AGMO: variants seen among roughly 807,000 people sequenced by gnomAD.
AGMO encodes alkylglycerol monooxygenase.
A neutral mutation model predicts 60.2 loss-of-function variants in AGMO; 75 were observed. That is an observed-to-expected ratio of 1.25 (90% CI 1.03 to 1.51). The LOEUF is 1.51. Ranked by LOEUF, AGMO falls within the 40% of genes most tolerant of loss-of-function variation. AGMO has a pLI of 0.00. For missense variants in AGMO, 763 were observed against 525.5 expected, an observed-to-expected ratio of 1.45 and a Z score of -4.42; for synonymous variants, 261 against 177.1, an observed-to-expected ratio of 1.47 and a Z score of -3.76.
chr7:15,322,745 T>C (rs1444937494), intron 12 of AGMO, among the ~76,000 whole-genome samples: 3 of 125,780 alleles, frequency 2.4e-5, no homozygotes, highest in Admixed American at 9.5e-5. Context: ...AATATATAAA[T>C]ATATATAAAT....
At chr7:15,327,279 T>C (rs560292152) in intron 12 of AGMO, among the ~76,000 whole-genome samples, 7 of 152,246 alleles carry the variant, frequency 4.6e-5, no homozygotes, top group South Asian at 4.1e-4. Context: ...CAGCTAAAAA[T>C]AGAAAATGCT....
rs550998365 is a variant in AGMO at position 15,431,551 on chromosome 7, A to T, written c.410-443T>A. Among the ~76,000 whole-genome samples, 10 of 151,976 alleles carry T rather than the reference A, an allele frequency of 6.6e-5. No individual in the cohort carries two copies. The South Asian group carries it at 1.9e-3, about 28-fold the overall frequency. ...GGAGAAATTGGTATGGAAATTTTGG[A>T]ATAAAATATTAATGAAATTATTTCC... is the stretch of plus-strand genomic sequence containing the variant. On this transcript the variant is annotated intron_variant, in intron 3 of 12. Transcript: ENST00000342526.
the AGMO span, among the ~76,000 whole-genome samples, chr7:15,187,635 T>G: frequency 6.6e-6 from 1 of 152,116 alleles, no homozygotes; most frequent in African/African-American, 2.4e-5. Context: ...GTGGGAAGTG[T>G]GCAATTAATA....
chr7:15,294,279 T>A (rs1784353482), intron 12 of AGMO, among the ~76,000 whole-genome samples: 1 of 152,040 alleles, frequency 6.6e-6, no homozygotes, highest in South Asian at 2.1e-4. Flanking sequence ...AGCTATAACA[T>A]GCTAGAAATA....
At chr7:15,331,050 A>C (rs1348484735) in intron 12 of AGMO, among the ~76,000 whole-genome samples, 1 of 152,104 alleles carries the variant, frequency 6.6e-6, no homozygotes, top group African/African-American at 2.4e-5. Context: ...GGGAAGCTAG[A>C]AGCTATCCTT....
intron 10 of AGMO, among the ~76,000 whole-genome samples, chr7:15,384,817 C>CTTTTTTTTTTT (rs71953359): frequency 2.5e-5 from 3 of 121,284 alleles, no homozygotes; most frequent in Non-Finnish European, 5.0e-5. Flanking sequence ...CTGTTTTTCT[C>CTTTTTTTTTTT]TTTTTTTTTT....
chr7:15,238,828 AG>A, intron 12 of AGMO, among the ~76,000 whole-genome samples: 1 of 152,142 alleles, frequency 6.6e-6, no homozygotes, highest in East Asian at 1.9e-4. Context: ...TCATAAGTAT[AG>A]TCAGATTTGA....
At chr7:15,540,420 A>G (rs1784594887) in intron 3 of AGMO, among the ~76,000 whole-genome samples, 1 of 152,136 alleles carries the variant, frequency 6.6e-6, no homozygotes, top group South Asian at 2.1e-4. Flanking sequence ...TCCCTCACAT[A>G]CCAAACCTCC....
chr7:15,258,298 C>G (rs1783159904), intron 12 of AGMO, among the ~76,000 whole-genome samples: 2 of 151,874 alleles, frequency 1.3e-5, no homozygotes, highest in African/African-American at 4.8e-5. Flanking sequence ...GCTTGGTATA[C>G]TTTTCTTTTT....
chr7:15,436,706 TC>T (rs1382441004), intron 3 of AGMO, among the ~76,000 whole-genome samples: 2 of 152,112 alleles, frequency 1.3e-5, no homozygotes, highest in Non-Finnish European at 2.9e-5. Context: ...TTCTCATTGT[TC>T]TCTTTCTCAA....
At chr7:15,165,624 TAA>T in the AGMO span, among the ~76,000 whole-genome samples, 1 of 152,196 alleles carries the variant, frequency 6.6e-6, no homozygotes, top group Non-Finnish European at 1.5e-5. Context: ...TACCCAGATG[TAA>T]AGAGTAGCAT....
intron 12 of AGMO, among the ~76,000 whole-genome samples, chr7:15,354,816 C>G (rs976487418): frequency 6.6e-6 from 1 of 150,904 alleles, no homozygotes; most frequent in Non-Finnish European, 1.5e-5. Flanking sequence ...AATTTTTTCT[C>G]GTAATTCACG....
At chr7:15,402,017 C>G (rs996788391) in intron 5 of AGMO, among the ~76,000 whole-genome samples, 11 of 151,214 alleles carry the variant, frequency 7.3e-5, no homozygotes, top group Non-Finnish European at 1.5e-4. Context: ...TATTCACTGC[C>G]ACCAGTATTG....
At chr7:15,271,857 T>A (rs1441074116) in intron 12 of AGMO, among the ~76,000 whole-genome samples, 2 of 152,160 alleles carry the variant, frequency 1.3e-5, no homozygotes, top group Non-Finnish European at 2.9e-5. Context: ...GACTGGTTTG[T>A]GGAGGGTTTT....
At chr7:15,248,214 A>ATATATGTATG (rs1554401266) in intron 12 of AGMO, among the ~76,000 whole-genome samples, 6 of 71,160 alleles carry the variant, frequency 8.4e-5, no homozygotes, top group Non-Finnish European at 5.9e-5. Flanking sequence ...ATATATATAT[A>ATATATGTATG]TATATATATA....
chr7:15,374,260 G>A (rs538627976), intron 10 of AGMO, among the ~76,000 whole-genome samples: 1 of 152,012 alleles, frequency 6.6e-6, no homozygotes, highest in South Asian at 2.1e-4. Flanking sequence ...GAACTCCCTA[G>A]GTGGCTACCA....
At chr7:15,248,650 G>T (rs1262583276) in intron 12 of AGMO, among the ~76,000 whole-genome samples, 1 of 152,118 alleles carries the variant, frequency 6.6e-6, no homozygotes, top group Non-Finnish European at 1.5e-5. Context: ...CTGAACTTGA[G>T]AGTGGTGACA....
chr7:15,471,764 T>C (rs1214013956), intron 3 of AGMO, among the ~76,000 whole-genome samples: 1 of 151,920 alleles, frequency 6.6e-6, no homozygotes, highest in Non-Finnish European at 1.5e-5. Context: ...GTGGGGATCT[T>C]GACTGCAATT....
chr7:15,327,740 C>CTTTTTTTTTT (rs546851399), intron 12 of AGMO, among the ~76,000 whole-genome samples: 1 of 88,024 alleles, frequency 1.1e-5, no homozygotes, highest in Non-Finnish European at 2.1e-5. Flanking sequence ...TGATTTCTTT[C>CTTTTTTTTTT]TTTTTTTTTT....
Sources: gnomAD v4.1 joint callset for allele counts (sites outside exome capture counted in the v4.1 genomes callset) on GRCh38, gnomAD v4.1.1 for gene constraint, MANE v1.5 for transcripts, NCBI Gene and HGNC (gene_info 2026-07-23, HGNC 2026-07-21) for gene names.